Variants in TRAF5 observed in about 807,000 individuals in gnomAD.
TRAF5 encodes TNF receptor associated factor 5, also known as TNF receptor-associated factor 5.
TRAF5 carries 48 observed loss-of-function variants against 64.5 expected under a neutral mutation model. The ratio of observed to expected loss-of-function variants is 0.74; its 90% CI spans 0.59 to 0.95. The LOEUF (loss-of-function observed/expected upper bound fraction) is 0.95, where lower values mean the gene tolerates loss of function less well. Ranked by LOEUF, TRAF5 falls within the 40% of genes least tolerant of loss-of-function variation. The probability of loss-of-function intolerance (pLI) is 0.00; values close to 1 mark genes in which losing one functional copy is unlikely to be tolerated. For synonymous variants in TRAF5, 206 were observed against 240.5 expected, an observed-to-expected ratio of 0.86 and a Z score of 1.33; for missense variants, 545 against 662.8, an observed-to-expected ratio of 0.82 and a Z score of 1.95.
Position 211,372,644 on chromosome 1 carries a change from A to C in TRAF5, c.1616A>C (p.Lys539Thr). Reference protein sequence around the residue: ...VLENAKNAYIKDDTLFLKVAV... With the variant: ...VLENAKNAYITDDTLFLKVAV... ...GAGAATGCCAAGAACGCCTACATTA[A>C]AGATGACACTCTGTTCTTGAAAGTG... Residue 539 changes from lysine to threonine, a missense_variant, in exon 11 of 11, where the codon AAA becomes ACA. Transcript: ENST00000261464. 1 of 1,614,212 alleles carries C rather than the reference A, an allele frequency of 6.2e-7. No individual in the cohort carries two copies. Among genetic ancestry groups the C allele is most frequent in the South Asian group, 1.1e-5 (1 of 91,084 alleles).
intron 1 of TRAF5, among the ~76,000 whole-genome samples, chr1:211,329,392 C>G (rs538957624): frequency 2.2e-4 from 34 of 152,312 alleles, no homozygotes; most frequent in Middle Eastern, 3.4e-3. Flanking sequence ...CACTGTACAG[C>G]TTACGAGAAG....
At chr1:211,345,268 C>A (rs1434628152) in intron 1 of TRAF5, among the ~76,000 whole-genome samples, 1 of 152,100 alleles carries the variant, frequency 6.6e-6, no homozygotes, top group African/African-American at 2.4e-5. Flanking sequence ...GTTGCCCAGG[C>A]TGGTCTCATA....
chr1:211,371,544 G>GC, intron 10 of TRAF5, 74 bp downstream of exon 10: 8 of 1,395,418 alleles, frequency 5.7e-6, no homozygotes, highest in Non-Finnish European at 7.9e-6. Flanking sequence ...CAAACACCTG[G>GC]CCAAATAGAG....
chr1:211,364,101 G>A (rs568820436), intron 7 of TRAF5, among the ~76,000 whole-genome samples: 7 of 152,078 alleles, frequency 4.6e-5, no homozygotes, highest in African/African-American at 1.2e-4. Context: ...ACCCTAACCC[G>A]AATGAAAATT....
At chr1:211,355,960 C>T (rs947802254) in intron 3 of TRAF5, among the ~76,000 whole-genome samples, 2 of 152,098 alleles carry the variant, frequency 1.3e-5, no homozygotes, top group African/African-American at 4.8e-5. Context: ...GAATGTTTGC[C>T]GACTCCTGGT....
At chr1:211,365,644 G>GATCCTAAGGGCACCTTCCAAT in intron 8 of TRAF5, 176 bp downstream of exon 8, 1 of 515,306 alleles carries the variant, frequency 1.9e-6, no homozygotes, top group Non-Finnish European at 3.4e-6. Context: ...GAATTGGAAG[G>GATCCTAAGGGCACCTTCCAAT]TGCCCTTAGG....
intron 2 of TRAF5, 177 bp downstream of exon 2, chr1:211,353,634 T>C: frequency 1.5e-6 from 1 of 645,844 alleles, no homozygotes; most frequent in Non-Finnish European, 2.6e-6. Flanking sequence ...AATCATTTTT[T>C]GGTCACTAAT....
rs568279904 is a variant in TRAF5 at position 211,374,819 on chromosome 1, T to G, written c.*2117T>G. The stretch of plus-strand genomic sequence containing the variant: ...GGTTTTGTGTTTTATCCAACTTTTG[T>G]GCATATATATAAAGTATGTCATGGC... On this transcript the variant is annotated 3_prime_UTR_variant, in exon 11 of 11. Transcript: ENST00000261464. The G allele has an allele frequency of 3.3e-5, 5 of 152,358 alleles. No individual in the cohort carries two copies. In the South Asian group the frequency reaches 1.0e-3, roughly 32 times the overall value. The allele number at this position is 152,358 out of a possible 1,614,324, so 9.4% of individuals were successfully genotyped here.
At chr1:211,352,265 A>G (rs1702808327) in intron 1 of TRAF5, among the ~76,000 whole-genome samples, 1 of 151,926 alleles carries the variant, frequency 6.6e-6, no homozygotes, top group Admixed American at 6.6e-5. Flanking sequence ...AATGAGAGAG[A>G]GCTTGTGCAG....
chr1:211,364,890 G>C (rs1192067443), intron 7 of TRAF5, among the ~76,000 whole-genome samples: 3 of 151,428 alleles, frequency 2.0e-5, no homozygotes, highest in Non-Finnish European at 1.5e-5. Context: ...CCTAAAGCTG[G>C]GGCCAGGTAT....
intron 9 of TRAF5, among the ~76,000 whole-genome samples, chr1:211,369,794 C>G (rs1019598363): frequency 1.2e-4 from 19 of 152,296 alleles, no homozygotes; most frequent in African/African-American, 4.6e-4. Flanking sequence ...CATTCATGCT[C>G]CCCTCCACTG....
intron 1 of TRAF5, among the ~76,000 whole-genome samples, chr1:211,328,802 T>C (rs1250604860): frequency 1.3e-5 from 2 of 152,354 alleles, no homozygotes; most frequent in East Asian, 3.9e-4. Flanking sequence ...GCATTTTCTC[T>C]TTGTTCTTGT....
chr1:211,361,692 GTTTTTTTTTTTTTTT>G (rs71134676), intron 7 of TRAF5, among the ~76,000 whole-genome samples: 2 of 75,318 alleles, frequency 2.7e-5, no homozygotes, highest in East Asian at 8.1e-4. Context: ...AATTATTCGG[GTTTTTTTTTTTTTTT>G]TTTTTTTTTG....
At chr1:211,347,812 A>AG (rs1702658697) in intron 1 of TRAF5, among the ~76,000 whole-genome samples, 1 of 152,224 alleles carries the variant, frequency 6.6e-6, no homozygotes, top group African/African-American at 2.4e-5. Context: ...AAGTCACTTA[A>AG]TGGACTCTTA....
chr1:211,333,856 A>G (rs1038358716), intron 1 of TRAF5, among the ~76,000 whole-genome samples: 4 of 151,836 alleles, frequency 2.6e-5, no homozygotes, highest in Non-Finnish European at 4.4e-5. Flanking sequence ...TTCTTACATC[A>G]TTTCTCCTGC....
intron 1 of TRAF5, among the ~76,000 whole-genome samples, chr1:211,329,299 T>C (rs991722117): frequency 2.0e-5 from 3 of 152,204 alleles, no homozygotes; most frequent in Non-Finnish European, 2.9e-5. Flanking sequence ...GGGTCTGAGC[T>C]GCCAGGAACA....
chr1:211,354,425 G>C lies in TRAF5; in HGVS notation c.234G>C (p.Val78=), dbSNP rs1384554768. ...TTTTCTCCAGAGAATTAAACACAGTGCCAATCTGCCCTGTAGATAAAGAGG... is the reference window on the plus strand; with the variant it reads ...TTTTCTCCAGAGAATTAAACACAGTCCCAATCTGCCCTGTAGATAAAGAGG... ...CILSLRELNT[V]PICPVDKEVI... The change falls in exon 3 of 11, where the codon GTG becomes GTC. Residue 78 remains valine, a synonymous_variant. Transcript: ENST00000261464. 7 of 1,614,026 alleles carry C rather than the reference G, an allele frequency of 4.3e-6. No homozygotes were observed. The highest frequency in any genetic ancestry group is 1.3e-5 in the African/African-American group (1 of 74,908).
intron 1 of TRAF5, among the ~76,000 whole-genome samples, chr1:211,349,932 G>A (rs956032090): frequency 9.2e-5 from 14 of 152,190 alleles, no homozygotes; most frequent in Non-Finnish European, 7.3e-5. Flanking sequence ...GCCAACCTCC[G>A]CAGGAATGAG....
chr1:211,356,016 A>G (rs1702951143), intron 3 of TRAF5, among the ~76,000 whole-genome samples: 1 of 152,228 alleles, frequency 6.6e-6, no homozygotes, highest in South Asian at 2.1e-4. Flanking sequence ...ACACTGTCTG[A>G]TAAGTAATAC....
Sources: gnomAD v4.1 joint callset for allele counts (sites outside exome capture counted in the v4.1 genomes callset) on GRCh38, gnomAD v4.1.1 for gene constraint, MANE v1.5 for transcripts, NCBI Gene and HGNC (gene_info 2026-07-23, HGNC 2026-07-21) for gene names.